The following CWH43 variants were observed in gnomAD, a reference collection of about 807,000 sequenced individuals.
CWH43 encodes the protein PGAP2-interacting protein.
Under a neutral mutation model 85.7 loss-of-function variants are expected in CWH43, and 91 were observed. That is an observed-to-expected ratio of 1.06 (90% CI 0.90 to 1.26). The LOEUF is 1.26. CWH43 is among the 50% of genes most tolerant of loss of function. The probability of loss-of-function intolerance (pLI) is 0.00; values close to 1 mark genes in which losing one functional copy is unlikely to be tolerated. For missense variants in CWH43, 869 were observed against 839.2 expected (o/e 1.04, Z -0.44); for synonymous variants, 323 against 293.6 (o/e 1.10, Z -1.02).
At chr4:49,044,942 AT>A in intron 14 of CWH43, 95 bp downstream of exon 14, 1 of 928,518 alleles carries the variant, frequency 1.1e-6, no homozygotes, top group South Asian at 1.5e-5. Flanking sequence ...GAAGCAATTA[AT>A]TTTTGTTGCT....
chr4:49,050,905 C>T, intron 15 of CWH43, 56 bp downstream of exon 15: 1 of 1,249,026 alleles, frequency 8.0e-7, no homozygotes, highest in Non-Finnish European at 1.1e-6. Context: ...CTCTATGGAA[C>T]CTACATATTA....
intron 6 of CWH43, among the ~76,000 whole-genome samples, chr4:49,000,147 G>A (rs1271473979): frequency 6.6e-6 from 1 of 152,150 alleles, no homozygotes; most frequent in East Asian, 1.9e-4. Flanking sequence ...AATTAAGTTG[G>A]TGATTCAGAG....
At chr4:49,018,968 G>A (rs1279359315) in intron 9 of CWH43, among the ~76,000 whole-genome samples, 1 of 152,176 alleles carries the variant, frequency 6.6e-6, no homozygotes, top group East Asian at 1.9e-4. Flanking sequence ...ATGTCCATCA[G>A]AAAAGGATAC....
At chr4:49,023,673 G>A (rs1189795226) in intron 9 of CWH43, among the ~76,000 whole-genome samples, 3 of 152,110 alleles carry the variant, frequency 2.0e-5, no homozygotes, top group South Asian at 2.1e-4. Flanking sequence ...CACTGCACCC[G>A]GTTGATTTCT....
intron 15 of CWH43, 67 bp downstream of exon 15, chr4:49,050,916 C>A: frequency 3.7e-6 from 4 of 1,095,716 alleles, no homozygotes; most frequent in Non-Finnish European, 5.3e-6. Context: ...CTACATATTA[C>A]CTCAAAATGA....
intron 11 of CWH43, 132 bp from the exon 12 acceptor site, chr4:49,032,434 G>T: frequency 2.1e-6 from 2 of 934,742 alleles, no homozygotes; most frequent in Non-Finnish European, 1.7e-6. Flanking sequence ...AGTCTCTGCC[G>T]CATTGCTTTG....
intron 6 of CWH43, among the ~76,000 whole-genome samples, chr4:49,002,097 A>G (rs1313692061): frequency 6.6e-6 from 1 of 152,136 alleles, no homozygotes; most frequent in Non-Finnish European, 1.5e-5. Context: ...AAAGCTGGGT[A>G]TAAGGTTTCC....
intron 14 of CWH43, 102 bp from the exon 15 acceptor site, chr4:49,050,592 G>A (rs1784761509): frequency 4.7e-6 from 4 of 858,876 alleles, no homozygotes; most frequent in Admixed American, 2.5e-5. Flanking sequence ...AGTAGAGTTA[G>A]AAGTGGGAAA....
At chr4:48,998,593 A>G in intron 6 of CWH43, 45 bp downstream of exon 6, 2 of 1,417,720 alleles carry the variant, frequency 1.4e-6, no homozygotes, top group Non-Finnish European at 2.0e-6. Context: ...GAGCTTGGTT[A>G]TCCAGTTTGT....
intron 6 of CWH43, among the ~76,000 whole-genome samples, chr4:48,999,815 T>A (rs1782932481): frequency 2.0e-5 from 3 of 152,196 alleles, no homozygotes; most frequent in Admixed American, 2.0e-4. Context: ...TCCACCCAGC[T>A]GTAGGGTCCA....
In CWH43 at chr4:48,998,455, C is replaced by T. The variant is rs376158233; in HGVS notation, c.714-5C>T. 14 of 1,609,272 alleles carry T rather than the reference C, an allele frequency of 8.7e-6. No individual in the cohort carries two copies. Among genetic ancestry groups the T allele is most frequent in the Admixed American group, 1.7e-5 (1 of 59,844 alleles). On this transcript the variant is annotated splice_region_variant and splice_polypyrimidine_tract_variant and intron_variant, in intron 5 of 15. Transcript: ENST00000226432. ...ACATGTCTTAGAGCATGTCCTTTTTCACAGAGGTGCAGTACTGCTGTGCTT... is the reference window on the plus strand; with the variant it reads ...ACATGTCTTAGAGCATGTCCTTTTTTACAGAGGTGCAGTACTGCTGTGCTT...
chr4:49,051,779 A>G (rs1363668498), intron 15 of CWH43, among the ~76,000 whole-genome samples: 1 of 151,998 alleles, frequency 6.6e-6, no homozygotes, highest in Admixed American at 6.5e-5. Context: ...GTTTCACTAT[A>G]TTGGTCAGGC....
intron 8 of CWH43, among the ~76,000 whole-genome samples, chr4:49,013,120 G>C (rs1259882672): frequency 3.9e-5 from 6 of 152,228 alleles, no homozygotes; most frequent in Admixed American, 3.3e-4. Context: ...AGAGGCAGTA[G>C]ACCTTGCTGA....
At chr4:48,997,367 A>G (rs1384040152) in intron 5 of CWH43, among the ~76,000 whole-genome samples, 3 of 151,940 alleles carry the variant, frequency 2.0e-5, no homozygotes, top group Non-Finnish European at 4.4e-5. Context: ...CCCTATCTGC[A>G]TTATTTATTA....
At chr4:49,034,962 C>T (rs1055818773) in intron 12 of CWH43, among the ~76,000 whole-genome samples, 3 of 152,132 alleles carry the variant, frequency 2.0e-5, no homozygotes, top group African/African-American at 7.2e-5. Flanking sequence ...ATTTGTCAAA[C>T]ATGAATCAAG....
chr4:48,986,395 G>A lies in CWH43; in HGVS notation c.-35G>A, dbSNP rs200370329. 2.6e-4 allele frequency: 406 copies of A among 1,545,842 alleles called. No homozygotes were observed. In the African/African-American group the frequency reaches 5.2e-3, roughly 20 times the overall value. On this transcript the variant is annotated 5_prime_UTR_variant, in exon 1 of 16. Transcript: ENST00000226432. ...CTAGGGCAGCGGGCCCGACCCGCAC[G>A]GCTTTCCTGGAAAGCGCTGCCCCTC...
In CWH43 at chr4:48,991,674, A is replaced by G. The variant is rs557506197; in HGVS notation, c.356+100A>G. 1.2e-5 allele frequency: 17 copies of G among 1,369,102 alleles called. No individual in the cohort carries two copies. In the South Asian group the frequency reaches 2.0e-4, roughly 16 times the overall value. The allele number at this position is 1,369,102 out of a possible 1,614,324, so 84.8% of individuals were successfully genotyped here. ...TTCCAGGTTATAGTTTTTACCTTCC[A>G]TATGGCTTTGTCAAAGTCTCCTTTT... On this transcript the variant is annotated intron_variant, in intron 3 of 15. Transcript: ENST00000226432.
chr4:49,042,064 A>G lies in CWH43; in HGVS notation c.1804-2722A>G, dbSNP rs569126632. 2.0e-5 allele frequency among the ~76,000 whole-genome samples: 3 copies of G among 152,294 alleles called. No individual in the cohort carries two copies. In the South Asian group the frequency reaches 6.2e-4, roughly 32 times the overall value. On this transcript the variant is annotated intron_variant, in intron 13 of 15. Coordinates refer to ENST00000226432, the MANE Select transcript of CWH43 (RefSeq NM_025087.3). ...AGACAGAAATTAGAGTGTTAAAACA[A>G]CAGCCGTCATCTATTTGCTCATGAA...
intron 7 of CWH43, among the ~76,000 whole-genome samples, chr4:49,006,069 T>C (rs1783147251): frequency 6.6e-6 from 1 of 152,234 alleles, no homozygotes. Flanking sequence ...ACCTTGGCTT[T>C]GCAAACTTTG....
Sources: allele counts gnomAD v4.1 joint callset (sites outside exome capture counted in the v4.1 genomes callset), GRCh38; gene constraint gnomAD v4.1.1; transcripts MANE v1.5; gene names NCBI Gene and HGNC (gene_info 2026-07-23, HGNC 2026-07-21).